Variants in ARHGDIG observed in about 807,000 individuals in gnomAD.
ARHGDIG encodes Rho GDP dissociation inhibitor gamma, also known as rho GDP-dissociation inhibitor 3.
Under a neutral mutation model 20.2 loss-of-function variants are expected in ARHGDIG, and 14 were observed. The ratio of observed to expected loss-of-function variants is 0.69; its 90% CI spans 0.46 to 1.08. ARHGDIG has a LOEUF of 1.08. Among genes scored for constraint, ARHGDIG ranks in the 50% least tolerant of loss-of-function variants. The pLI, the probability that ARHGDIG is intolerant of heterozygous loss-of-function variation, is 0.00. For synonymous variants in ARHGDIG, 193 were observed against 138.6 expected (o/e 1.39, Z -2.76); for missense variants, 311 against 301.8 (o/e 1.03, Z -0.23).
chr16:282,571 C>CG (rs2052299450), intron 5 of ARHGDIG, 41 bp downstream of exon 5: 3 of 1,036,148 alleles, frequency 2.9e-6, no homozygotes, highest in Non-Finnish European at 4.1e-6. Context: ...GGGGGGGAAG[C>CG]GGGGGCAGAC....
At position 282,883 on chromosome 16, in the gene ARHGDIG, C is replaced by T; in HGVS notation, c.*69C>T. ...GGGACCCCCAAGCATCCCCAGCACC[C>T]CCCGTGAGTGACCAGACCCTCCCCT... On this transcript the variant is annotated 3_prime_UTR_variant, in exon 6 of 6. Transcript: ENST00000219409. 1 of 1,456,818 alleles carries T rather than the reference C, an allele frequency of 6.9e-7. No homozygotes were observed. The highest frequency in any genetic ancestry group is 9.2e-7 in the Non-Finnish European group (1 of 1,091,350). The allele number at this position is 1,456,818 out of a possible 1,614,324, so 90.2% of individuals were successfully genotyped here.
At chr16:282,247 G>A (rs778982863) in intron 3 of ARHGDIG, 50 bp from the exon 4 acceptor site, 6 of 1,610,834 alleles carry the variant, frequency 3.7e-6, no homozygotes, top group African/African-American at 1.3e-5. Flanking sequence ...TCCTGGAGCA[G>A]GTCTCAGCCT....
intron 5 of ARHGDIG, 28 bp downstream of exon 5, chr16:282,558 C>CGGGGGGGGGGGGACGGGGGG: frequency 7.6e-7 from 1 of 1,310,074 alleles, no homozygotes; most frequent in Non-Finnish European, 1.0e-6. Flanking sequence ...GGGAACGGGG[C>CGGGGGGGGGGGGACGGGGGG]GGGGGGGGGA....
rs144552315 is a variant in ARHGDIG at position 282,083 on chromosome 16, G to C, written c.312G>C (p.Pro104=). The C allele has an allele frequency of 6.2e-7, 1 of 1,612,744 alleles. No individual in the cohort carries two copies. Among genetic ancestry groups the C allele is most frequent in the Non-Finnish European group, 8.5e-7 (1 of 1,179,942 alleles). ...TGACACTCCTGTCGGAACAGGCTCC[G>C]GGGCCCGTCGTCATGGATCTCACAG... The part of the protein sequence containing the change: ...TRLTLLSEQA[P]GPVVMDLTGD... Residue 104 remains proline (P), a synonymous_variant, in exon 3 of 6, where the codon CCG becomes CCC. Transcript: ENST00000219409.
In ARHGDIG at chr16:282,082, C is replaced by T. The variant is rs140573990; in HGVS notation, c.311C>T (p.Pro104Leu). 5.0e-5 allele frequency: 81 copies of T among 1,612,734 alleles called. No homozygotes were observed. In the African/African-American group the frequency reaches 6.9e-4, roughly 14 times the overall value. Residue 104 changes from proline to leucine, a missense_variant, in exon 3 of 6, where the codon CCG (proline) becomes CTG (leucine). By Grantham distance (98) the Pro-to-Leu change is moderately conservative. Transcript: ENST00000219409. ...TRLTLLSEQA[P>L]GPVVMDLTGD... is the part of the protein sequence containing the mutation. ...CTGACACTCCTGTCGGAACAGGCTC[C>T]GGGGCCCGTCGTCATGGATCTCACA...
Position 281,219 on chromosome 16 carries a change from A to G in ARHGDIG, c.73+466A>G, listed in dbSNP as rs139338789. 22 of 154,068 alleles carry G rather than the reference A, an allele frequency of 1.4e-4. No homozygotes were observed. The East Asian group carries it at 3.6e-3, about 25-fold the overall frequency. The allele number at this position is 154,068 out of a possible 1,614,324, so 9.5% of individuals were successfully genotyped here. On this transcript the variant is annotated intron_variant, in intron 1 of 5. Transcript: ENST00000219409. ...AGACAGCCGCCCCCGGCACCCGAGC[A>G]CCATGGGGAGGAACTCCTAGACTGT...
At chr16:282,257 TG>T in intron 3 of ARHGDIG, 39 bp from the exon 4 acceptor site, 1 of 1,611,446 alleles carries the variant, frequency 6.2e-7, no homozygotes, top group Non-Finnish European at 8.5e-7. Flanking sequence ...GGTCTCAGCC[TG>T]TAGGGGAGTT....
At position 282,382 on chromosome 16, in the gene ARHGDIG, C is replaced by T. The variant is rs199532923; in HGVS notation, c.414+9C>T. On this transcript the variant is annotated intron_variant, in intron 4 of 5. Transcript: ENST00000219409. ...TGAAGATCTCCTTCAAGGTGAGAGC[C>T]GGGGCAATGGGCGGAGGGGATGGGG... The T allele has an allele frequency of 2.6e-4, 280 of 1,092,564 alleles. 2 individuals are homozygous for T. In the East Asian group the frequency reaches 6.1e-3, roughly 24 times the overall value. The allele number at this position is 1,092,564 out of a possible 1,614,324, so 67.7% of individuals were successfully genotyped here.
chr16:281,615 T>C, intron 1 of ARHGDIG, 131 bp from the exon 2 acceptor site: 1 of 1,119,344 alleles, frequency 8.9e-7, no homozygotes, highest in Non-Finnish European at 1.2e-6. Flanking sequence ...GCTCTCTCCC[T>C]GAGCCCCCAG....
At position 280,876 on chromosome 16, in the gene ARHGDIG, G is replaced by A; in HGVS notation, c.73+123G>A. On this transcript the variant is annotated intron_variant, in intron 1 of 5. Transcript: ENST00000219409. The surrounding 1 kb of genome is among the most constrained non-coding windows in gnomAD (Gnocchi z 6.6). Reference sequence around the variant, plus strand: ...CCTCGCGGCGCCGACCCCCCGGCTGGGGTCTGGCAGGGGTGGGGGACTTCA... The same window carrying A: ...CCTCGCGGCGCCGACCCCCCGGCTGAGGTCTGGCAGGGGTGGGGGACTTCA... The A allele has an allele frequency of 2.2e-6, 1 of 453,350 alleles. No homozygotes were observed. Among genetic ancestry groups the A allele is most frequent in the Non-Finnish European group, 3.2e-6 (1 of 315,234 alleles). 28.1% of individuals were successfully genotyped at this position (453,350 alleles called of 1,614,324 possible). A position where few individuals can be genotyped will look rare whatever the true frequency, so the allele number is the denominator to read the frequency against.
At chr16:281,686 C>T in intron 1 of ARHGDIG, 60 bp from the exon 2 acceptor site, 1 of 1,490,806 alleles carries the variant, frequency 6.7e-7, no homozygotes, top group Non-Finnish European at 9.0e-7. Flanking sequence ...GGGCTCCAGC[C>T]TGGTGCTCGA....
intron 5 of ARHGDIG, 28 bp downstream of exon 5, chr16:282,558 C>CGGGGGGGGGGAGGGGG (rs61572786): frequency 7.7e-7 from 1 of 1,295,646 alleles, no homozygotes; most frequent in African/African-American, 1.7e-5. Flanking sequence ...GGGAACGGGG[C>CGGGGGGGGGGAGGGGG]GGGGGGGGGA....
intron 4 of ARHGDIG, 36 bp downstream of exon 4, chr16:282,409 T>TGGGGGC: frequency 8.9e-7 from 1 of 1,125,234 alleles, no homozygotes; most frequent in Non-Finnish European, 1.3e-6. Context: ...GGGATGGGGG[T>TGGGGGC]GGGGGCAACA....
intron 1 of ARHGDIG, 123 bp from the exon 2 acceptor site, chr16:281,623 C>T (rs1253232106): frequency 4.2e-6 from 5 of 1,201,144 alleles, no homozygotes; most frequent in Middle Eastern, 2.9e-4. Flanking sequence ...CCTGAGCCCC[C>T]AGAGGCTTCC....
rs1227662168 is a variant in ARHGDIG at position 282,448 on chromosome 16, C to CT, written c.415-18dup. 1 of 1,611,912 alleles carries CT rather than the reference C, an allele frequency of 6.2e-7. No homozygotes were observed. Among genetic ancestry groups the CT allele is most frequent in the Non-Finnish European group, 8.5e-7 (1 of 1,179,908 alleles). ...AGAGGCCTGGCCCCCAGAGGAACCC[C>CT]TAATGCCTCTGTTCCCAGGTCCACA... On this transcript the variant is annotated intron_variant, in intron 4 of 5. Transcript: ENST00000219409.
chr16:282,622 G>T lies in ARHGDIG; in HGVS notation c.486G>T (p.Lys162Asn). Residue 162 changes from lysine to asparagine, a missense_variant, in exon 6 of 6, where the codon AAG (lysine) becomes AAT (asparagine). By Grantham distance (94) the Lys-to-Asn change is moderately conservative. Transcript: ENST00000219409. ...TGCCCTCGCCCTCCCTAGTGGACAAGACCGTCTACATGGTGGGCAGCTATG... is the reference window on the plus strand; with the variant it reads ...TGCCCTCGCCCTCCCTAGTGGACAATACCGTCTACATGGTGGGCAGCTATG... The part of the protein sequence containing the change: ...HTYRRGLRVD[K>N]TVYMVGSYGP... 6.3e-7 allele frequency: 1 copy of T among 1,596,706 alleles called. No homozygotes were observed. The highest frequency in any genetic ancestry group is 8.5e-7 in the Non-Finnish European group (1 of 1,171,748).
intron 3 of ARHGDIG, 62 bp from the exon 4 acceptor site, chr16:282,235 G>T: frequency 2.5e-6 from 4 of 1,608,410 alleles, no homozygotes; most frequent in Non-Finnish European, 3.4e-6. Flanking sequence ...CTACGTGGGG[G>T]CTCCTGGAGC....
intron 5 of ARHGDIG, 37 bp from the exon 6 acceptor site, chr16:282,578 A>C: frequency 1.3e-6 from 2 of 1,559,442 alleles, no homozygotes; most frequent in Non-Finnish European, 1.7e-6. Flanking sequence ...AAGCGGGGGC[A>C]GACAGAGGAC....
rs2052303439 is a variant in ARHGDIG at position 282,912 on chromosome 16, GCC to G, written c.*101_*102del. 17 of 983,094 alleles carry G rather than the reference GCC, an allele frequency of 1.7e-5. No individual in the cohort carries two copies. The highest frequency in any genetic ancestry group is 2.7e-5 in the Admixed American group (1 of 36,564). The allele number at this position is 983,094 out of a possible 1,614,324, so 60.9% of individuals were successfully genotyped here. A position where few individuals can be genotyped will look rare whatever the true frequency, so the allele number is the denominator to read the frequency against. The stretch of plus-strand genomic sequence containing the variant: ...GTGAGTGACCAGACCCTCCCCTGCT[GCC>G]CCTGCTGCCCCTGCTGCCCCTGCTC... On this transcript the variant is annotated 3_prime_UTR_variant, in exon 6 of 6. Transcript: ENST00000219409.
Sources: gnomAD v4.1 joint callset for allele counts on GRCh38, gnomAD v4.1.1 for gene constraint, Gnocchi (gnomAD v3.1) non-coding constraint, MANE v1.5 for transcripts, NCBI Gene and HGNC (gene_info 2026-07-23, HGNC 2026-07-21) for gene names.